The following AJUBA variants were observed in gnomAD, a reference collection of about 807,000 sequenced individuals.
The protein encoded by AJUBA is LIM domain-containing protein ajuba.
AJUBA carries 20 observed loss-of-function variants against 53.3 expected under a neutral mutation model. That is an observed-to-expected ratio of 0.38 (90% confidence interval 0.26 to 0.55). The LOEUF is 0.55. Ranked by LOEUF, AJUBA falls within the 20% of genes least tolerant of loss-of-function variation. The pLI is 0.80. For synonymous variants in AJUBA, 296 were observed against 306.2 expected (o/e 0.97, Z 0.35); for missense variants, 580 against 730.5 (o/e 0.79, Z 2.38).
chr14:22,980,359 G>A (rs577644786), intron 1 of AJUBA, among the ~76,000 whole-genome samples: 1 of 152,310 alleles, frequency 6.6e-6, no homozygotes, highest in South Asian at 2.1e-4. Context: ...GAACAGAGTA[G>A]GGGAGGGAGA....
At chr14:22,981,219 G>A (rs777841710) in intron 1 of AJUBA, 42 bp downstream of exon 1, 13 of 1,542,660 alleles carry the variant, frequency 8.4e-6, no homozygotes, top group South Asian at 5.0e-5. Flanking sequence ...ACCGAATACC[G>A]TGACGGGTCC....
At position 22,982,280 on chromosome 14, in the gene AJUBA, G is replaced by A. The variant is rs764979689; in HGVS notation, c.-14C>T. 11 of 1,611,054 alleles carry A rather than the reference G, an allele frequency of 6.8e-6. No homozygotes were observed. Among genetic ancestry groups the A allele is most frequent in the Middle Eastern group, 1.6e-4 (1 of 6,074 alleles). ...TAACCGCTCCATGCCCTCGGGCCTG[G>A]GGCCTCTCGCCCCCTCCCCGCCTGG... On this transcript the variant is annotated 5_prime_UTR_variant, in exon 1 of 8. Coordinates refer to ENST00000262713, the MANE Select transcript of AJUBA (RefSeq NM_032876.6).
At position 22,982,443 on chromosome 14, in the gene AJUBA, G is replaced by T; in HGVS notation, c.-177C>A. The T allele has an allele frequency of 1.4e-6, 2 of 1,432,834 alleles. No individual in the cohort carries two copies. Among genetic ancestry groups the T allele is most frequent in the Non-Finnish European group, 1.8e-6 (2 of 1,101,710 alleles). The allele number at this position is 1,432,834 out of a possible 1,614,324, so 88.8% of individuals were successfully genotyped here. A position where few individuals can be genotyped will look rare whatever the true frequency, so the allele number is the denominator to read the frequency against. On this transcript the variant is annotated 5_prime_UTR_variant, in exon 1 of 8. Transcript: ENST00000262713. ...GGAATCCCACAGCATCCCCCAGCGGGAGGGGCTGCGTCCCCCCGCGCATCT... is the reference window on the plus strand; with the variant it reads ...GGAATCCCACAGCATCCCCCAGCGGTAGGGGCTGCGTCCCCCCGCGCATCT...
chr14:22,972,537 C>T lies in AJUBA; in HGVS notation c.*906G>A, dbSNP rs1301167391. The stretch of plus-strand genomic sequence containing the variant: ...CTCCCCCAGCCAAGGAGAAGAGCAA[C>T]CACGTACAATCACCTACCTAGCCTC... On this transcript the variant is annotated 3_prime_UTR_variant, in exon 8 of 8. Coordinates refer to ENST00000262713, the MANE Select transcript of AJUBA (RefSeq NM_032876.6). 1 of 152,608 alleles carries T rather than the reference C, an allele frequency of 6.6e-6. No homozygotes were observed. The highest frequency in any genetic ancestry group is 1.5e-5 in the Non-Finnish European group (1 of 68,048). 9.5% of individuals were successfully genotyped at this position (152,608 alleles called of 1,614,324 possible).
intron 2 of AJUBA, chr14:22,977,568 G>A (rs1170786887): frequency 6.6e-6 from 1 of 152,232 alleles, no homozygotes; most frequent in Non-Finnish European, 1.5e-5. Context: ...GGAAAGATAG[G>A]GAAAGAGATA....
intron 1 of AJUBA, among the ~76,000 whole-genome samples, chr14:22,980,908 A>G (rs1449772914): frequency 6.6e-6 from 1 of 151,856 alleles, no homozygotes; most frequent in Non-Finnish European, 1.5e-5. Flanking sequence ...CTCCAGGGGC[A>G]CCGCCGTGAA....
At chr14:22,973,830 T>A (rs956536188) in intron 7 of AJUBA, among the ~76,000 whole-genome samples, 4 of 152,130 alleles carry the variant, frequency 2.6e-5, no homozygotes, top group African/African-American at 9.7e-5. Flanking sequence ...TCTTAGAAAG[T>A]CCTGACTCTG....
intron 1 of AJUBA, chr14:22,978,979 G>A: frequency 7.8e-7 from 1 of 1,289,212 alleles, no homozygotes; most frequent in Non-Finnish European, 1.0e-6. Flanking sequence ...CAAGGATGGA[G>A]AAAAGGATCT....
At position 22,976,615 on chromosome 14, in the gene AJUBA, C is replaced by G. The variant is rs561161756; in HGVS notation, c.1176+30G>C. ...CCAAGAAGGGGGTCAGTATGGAAAC[C>G]AATTCCAGGTCCAGGTGACCCTTAC... On this transcript the variant is annotated intron_variant, in intron 3 of 7. Transcript: ENST00000262713. 302 of 1,613,512 alleles carry G rather than the reference C, an allele frequency of 1.9e-4. 16 individuals are homozygous for G. The South Asian group carries it at 3.2e-3, about 17-fold the overall frequency.
At position 22,974,958 on chromosome 14, in the gene AJUBA, C is replaced by G; in HGVS notation, c.1370+16G>C. 1.2e-6 allele frequency: 2 copies of G among 1,613,960 alleles called. No individual in the cohort carries two copies. Among genetic ancestry groups the G allele is most frequent in the Non-Finnish European group, 1.7e-6 (2 of 1,179,838 alleles). ...CTGGACCCAGTTCCACACTGCATCC[C>G]AAGGGGCAGACTCACTTGTGGTAGT... is the stretch of plus-strand genomic sequence containing the variant. On this transcript the variant is annotated intron_variant, in intron 5 of 7. Coordinates refer to ENST00000262713, the MANE Select transcript of AJUBA (RefSeq NM_032876.6).
Position 22,973,059 on chromosome 14 carries a change from A to G in AJUBA, c.*384T>C. On this transcript the variant is annotated 3_prime_UTR_variant, in exon 8 of 8. Transcript: ENST00000262713. ...TATAATCCCAGCACTTTGGGAGGCC[A>G]AGGTGGGAGGATCATTCGAGCCCAG... The G allele has an allele frequency of 4.4e-6, 1 of 229,482 alleles. No homozygotes were observed. The highest frequency in any genetic ancestry group is 2.3e-5 in the African/African-American group (1 of 44,222). 14.2% of individuals were successfully genotyped at this position (229,482 alleles called of 1,614,324 possible). A position where few individuals can be genotyped will look rare whatever the true frequency, so the allele number is the denominator to read the frequency against.
In AJUBA at chr14:22,981,950, G is replaced by A. The variant is rs1372303417; in HGVS notation, c.317C>T (p.Pro106Leu). 1.3e-6 allele frequency: 2 copies of A among 1,571,880 alleles called. No homozygotes were observed. Among genetic ancestry groups the A allele is most frequent in the African/African-American group, 2.7e-5 (2 of 73,310 alleles). The part of the protein sequence containing the change: ...TRALPLPQSL[P>L]PDFRLEPTAP... The stretch of plus-strand genomic sequence containing the variant: ...CGTGGGCTCCAGCCGAAAATCGGGG[G>A]GCAACGACTGAGGTAGAGGCAAGGC... The change falls in exon 1 of 8, where the codon CCC (proline) becomes CTC (leucine). Residue 106 changes from proline to leucine, a missense_variant. Pro to Leu is a moderately conservative substitution (Grantham distance 98, BLOSUM62 -3). This residue lies in a region of AJUBA where 430 missense variants were observed against 471.5 expected (regional missense o/e 0.91). Transcript: ENST00000262713.
At chr14:22,973,616 C>T (rs368372945) in intron 7 of AJUBA, 48 bp from the exon 8 acceptor site, 6 of 1,608,084 alleles carry the variant, frequency 3.7e-6, no homozygotes, top group Non-Finnish European at 5.1e-6. Flanking sequence ...ACCTTGGACA[C>T]TGAGGGTATC....
At chr14:22,976,941 T>C in intron 2 of AJUBA, 3 of 1,398,072 alleles carry the variant, frequency 2.1e-6, no homozygotes, top group Non-Finnish European at 2.8e-6. Flanking sequence ...CTCCTCCAGC[T>C]CCTGCCTCCT....
chr14:22,980,517 G>T, intron 1 of AJUBA: 1 of 859,324 alleles, frequency 1.2e-6, no homozygotes, highest in Non-Finnish European at 1.4e-6. Flanking sequence ...TGTCCCAGTA[G>T]TCATGACTTT....
In AJUBA at chr14:22,982,328, C is replaced by T; in HGVS notation, c.-62G>A. 2 of 1,589,240 alleles carry T rather than the reference C, an allele frequency of 1.3e-6. No homozygotes were observed. Among genetic ancestry groups the T allele is most frequent in the Non-Finnish European group, 8.5e-7 (1 of 1,171,822 alleles). On this transcript the variant is annotated 5_prime_UTR_variant, in exon 1 of 8. Transcript: ENST00000262713. ...TGGCACCCTGCGGCGTCTCGGCGGC[C>T]GGTTCTCTTTCCCTGCAGCCGGACT...
At position 22,982,053 on chromosome 14, in the gene AJUBA, C is replaced by G; in HGVS notation, c.214G>C (p.Ala72Pro). ...EPAREQGSLD[A>P]ERNQRGSFEA... ...AAGGAGCCGCGCTGATTTCGCTCAG[C>G]GTCCAGGGAACCTTGCTCCCGGGCC... Residue 72 changes from alanine to proline, a missense_variant, in exon 1 of 8, where the codon GCT becomes CCT. Transcript: ENST00000262713. 2 of 1,592,248 alleles carry G rather than the reference C, an allele frequency of 1.3e-6. No individual in the cohort carries two copies. The highest frequency in any genetic ancestry group is 1.7e-6 in the Non-Finnish European group (2 of 1,173,704).
At chr14:22,978,771 C>T in intron 1 of AJUBA, 1 of 1,201,586 alleles carries the variant, frequency 8.3e-7, no homozygotes, top group Non-Finnish European at 1.1e-6. Flanking sequence ...GAAAAGACTA[C>T]ACAGGCAAGG....
chr14:22,978,303 G>T, intron 2 of AJUBA, 41 bp downstream of exon 2: 1 of 1,562,396 alleles, frequency 6.4e-7, no homozygotes, highest in Non-Finnish European at 8.8e-7. Context: ...TGTGTATGTG[G>T]GCAGGGGAGG....
Sources: allele counts gnomAD v4.1 joint callset (sites outside exome capture counted in the v4.1 genomes callset), GRCh38; gene constraint gnomAD v4.1.1; regional missense constraint gnomAD v4.1.1; transcripts MANE v1.5; gene names NCBI Gene and HGNC (gene_info 2026-07-23, HGNC 2026-07-21).